UBXN4: variants seen among roughly 807,000 people sequenced by gnomAD.
UBXN4 encodes the protein UBX domain-containing protein 4.
A neutral mutation model predicts 66.2 loss-of-function variants in UBXN4; 35 were observed. That is an observed-to-expected ratio of 0.53 (90% CI 0.40 to 0.70). UBXN4 has a LOEUF of 0.70. UBXN4 is among the 30% of genes least tolerant of loss of function. The pLI, the probability that UBXN4 is intolerant of heterozygous loss-of-function variation, is 0.00. For synonymous variants in UBXN4, 203 were observed against 204.5 expected (o/e 0.99, Z 0.06); for missense variants, 533 against 599.8 (o/e 0.89, Z 1.16).
chr2:135,762,615 T>C (rs1186770818), intron 6 of UBXN4, among the ~76,000 whole-genome samples: 1 of 152,178 alleles, frequency 6.6e-6, no homozygotes, highest in Non-Finnish European at 1.5e-5. Flanking sequence ...ATTGCTGATA[T>C]TGTCTTTGAG....
chr2:135,759,450 G>T (rs2077298656), intron 5 of UBXN4, among the ~76,000 whole-genome samples: 1 of 151,954 alleles, frequency 6.6e-6, no homozygotes, highest in African/African-American at 2.4e-5. Context: ...ATAGATTTCT[G>T]CTCTCCCTGG....
intron 5 of UBXN4, among the ~76,000 whole-genome samples, chr2:135,756,093 T>C (rs575351381): frequency 1.7e-3 from 258 of 152,312 alleles, no homozygotes; most frequent in Non-Finnish European, 2.8e-3. Flanking sequence ...AATAGTGTTA[T>C]ATATATTTTT....
intron 6 of UBXN4, among the ~76,000 whole-genome samples, chr2:135,765,062 C>T (rs2077338648): frequency 6.6e-6 from 1 of 152,110 alleles, no homozygotes; most frequent in South Asian, 2.1e-4. Context: ...AATCCACCCG[C>T]CTTGGCTTCT....
chr2:135,750,430 C>T (rs943783109), intron 2 of UBXN4, among the ~76,000 whole-genome samples: 2 of 151,890 alleles, frequency 1.3e-5, no homozygotes, highest in East Asian at 1.9e-4. Context: ...GCTGTGAACC[C>T]GGGAGGCAGA....
At chr2:135,765,365 A>G (rs2077340971) in intron 6 of UBXN4, among the ~76,000 whole-genome samples, 1 of 151,876 alleles carries the variant, frequency 6.6e-6, no homozygotes, top group Admixed American at 6.6e-5. Context: ...GCCCACCACC[A>G]CACCCGGCTA....
chr2:135,759,927 C>T (rs933003184), intron 5 of UBXN4, among the ~76,000 whole-genome samples: 1 of 151,948 alleles, frequency 6.6e-6, no homozygotes, highest in Admixed American at 6.6e-5. Context: ...CGCAACCATG[C>T]CCAGCTGATT....
At chr2:135,755,309 A>G (rs1024068632) in intron 4 of UBXN4, among the ~76,000 whole-genome samples, 1 of 152,180 alleles carries the variant, frequency 6.6e-6, no homozygotes, top group African/African-American at 2.4e-5. Context: ...TGCTTTAACA[A>G]ATGTTTTTAT....
At chr2:135,765,061 G>A (rs945827620) in intron 6 of UBXN4, among the ~76,000 whole-genome samples, 1 of 152,046 alleles carries the variant, frequency 6.6e-6, no homozygotes, top group Admixed American at 6.6e-5. Flanking sequence ...TAATCCACCC[G>A]CCTTGGCTTC....
In UBXN4 at chr2:135,749,693, C is replaced by A. The variant is rs570515208; in HGVS notation, c.185+1324C>A. On this transcript the variant is annotated intron_variant, in intron 2 of 12. Transcript: ENST00000272638. ...AATACTTCACAAACTAATAATAATT[C>A]TTTAATATCAAATAACCAGCCAGTG... is the stretch of plus-strand genomic sequence containing the variant. 2.0e-5 allele frequency among the ~76,000 whole-genome samples: 3 copies of A among 152,264 alleles called. No individual in the cohort carries two copies. In the South Asian group the frequency reaches 6.2e-4, roughly 32 times the overall value.
intron 1 of UBXN4, among the ~76,000 whole-genome samples, chr2:135,743,863 G>GTAT (rs2077192049): frequency 6.6e-6 from 1 of 151,320 alleles, no homozygotes; most frequent in Non-Finnish European, 1.5e-5. Context: ...GGGGTTTTGT[G>GTAT]TATATATATA....
At position 135,784,893 on chromosome 2, in the gene UBXN4, A is replaced by T. The variant is rs1457068873; in HGVS notation, c.*2006A>T. 6.6e-6 allele frequency: 1 copy of T among 152,630 alleles called. No homozygotes were observed. The highest frequency in any genetic ancestry group is 1.5e-5 in the Non-Finnish European group (1 of 68,034). 9.5% of individuals were successfully genotyped at this position (152,630 alleles called of 1,614,324 possible). On this transcript the variant is annotated 3_prime_UTR_variant, in exon 13 of 13. Transcript: ENST00000272638. ...GGTAAAAAAAAAAATTCACAACAGT[A>T]TATAAGGCTGTAAAATGAGAATTCT...
chr2:135,772,922 A>T (rs967672070), intron 9 of UBXN4, among the ~76,000 whole-genome samples: 1 of 151,846 alleles, frequency 6.6e-6, no homozygotes, highest in African/African-American at 2.4e-5. Context: ...CTGTAGTCCC[A>T]GCTACGCGGG....
chr2:135,750,929 C>T (rs1350331447), intron 2 of UBXN4, among the ~76,000 whole-genome samples: 3 of 142,248 alleles, frequency 2.1e-5, no homozygotes, highest in Non-Finnish European at 4.5e-5. Context: ...GATCTCGGCT[C>T]ACTGCAAGCT....
At chr2:135,763,052 T>C (rs2077324956) in intron 6 of UBXN4, among the ~76,000 whole-genome samples, 1 of 152,236 alleles carries the variant, frequency 6.6e-6, no homozygotes, top group Admixed American at 6.5e-5. Flanking sequence ...AGTGTCTGCC[T>C]GTGTCATAGT....
intron 9 of UBXN4, among the ~76,000 whole-genome samples, chr2:135,775,979 G>A (rs570426833): frequency 3.8e-4 from 58 of 152,248 alleles, no homozygotes; most frequent in South Asian, 1.2e-3. Context: ...ACGTTGGCCC[G>A]GCTGGTCTTG....
At chr2:135,768,602 C>T (rs890721889) in intron 6 of UBXN4, among the ~76,000 whole-genome samples, 51 of 148,694 alleles carry the variant, frequency 3.4e-4, no homozygotes, top group African/African-American at 7.4e-5. Flanking sequence ...GTCTCACTCT[C>T]GCCCAGGCTG....
At chr2:135,782,202 T>TC (rs1265059585) in intron 12 of UBXN4, among the ~76,000 whole-genome samples, 1 of 152,252 alleles carries the variant, frequency 6.6e-6, no homozygotes, top group Non-Finnish European at 1.5e-5. Context: ...TTTCCTTTTT[T>TC]CTCTCCCCTC....
chr2:135,751,352 A>G (rs1391479664), intron 2 of UBXN4, among the ~76,000 whole-genome samples: 2 of 149,792 alleles, frequency 1.3e-5, no homozygotes, highest in Non-Finnish European at 3.0e-5. Context: ...ATGCCTGGCT[A>G]ATTTTTAAAA....
At chr2:135,745,716 T>A (rs2077203171) in intron 1 of UBXN4, among the ~76,000 whole-genome samples, 1 of 152,104 alleles carries the variant, frequency 6.6e-6, no homozygotes, top group African/African-American at 2.4e-5. Flanking sequence ...TTTGGAATCT[T>A]AATCTCTCCT....
Sources: gnomAD v4.1 joint callset for allele counts (sites outside exome capture counted in the v4.1 genomes callset) on GRCh38, gnomAD v4.1.1 for gene constraint, MANE v1.5 for transcripts, NCBI Gene and HGNC (gene_info 2026-07-23, HGNC 2026-07-21) for gene names.